KLHL29: variants seen among roughly 807,000 people sequenced by gnomAD.
The protein encoded by KLHL29 is kelch-like protein 29.
In KLHL29, 21 loss-of-function variants were observed where a neutral mutation model predicts 80.4. That is an observed-to-expected ratio of 0.26 (90% confidence interval 0.19 to 0.38). KLHL29 has a LOEUF of 0.38. Among genes scored for constraint, KLHL29 ranks in the 10% least tolerant of loss-of-function variants. The probability of loss-of-function intolerance (pLI) is 1.00; values close to 1 mark genes in which losing one functional copy is unlikely to be tolerated. For synonymous variants in KLHL29, 511 were observed against 526.8 expected, an observed-to-expected ratio of 0.97 and a Z score of 0.41; for missense variants, 867 against 1,223.9, an observed-to-expected ratio of 0.71 and a Z score of 4.35.
chr2:23,531,267 A>G (rs148161531), intron 2 of KLHL29, among the ~76,000 whole-genome samples: 2 of 152,348 alleles, frequency 1.3e-5, no homozygotes, highest in African/African-American at 4.8e-5. Flanking sequence ...TCCATTAACC[A>G]AAAACAGGCA....
At chr2:23,703,097 A>C in intron 11 of KLHL29, 89 bp from the exon 12 acceptor site, 1 of 936,300 alleles carries the variant, frequency 1.1e-6, no homozygotes, top group Non-Finnish European at 1.5e-6. Flanking sequence ...GAGGGCGAGG[A>C]GCAGATGGCA....
chr2:23,579,707 T>TC (rs1410160845), intron 3 of KLHL29, among the ~76,000 whole-genome samples: 1 of 152,160 alleles, frequency 6.6e-6, no homozygotes, highest in African/African-American at 2.4e-5. Flanking sequence ...TCCTTTTTTT[T>TC]CTAAATGTGC....
chr2:23,642,223 C>A, intron 4 of KLHL29, 115 bp from the exon 5 acceptor site: 1 of 967,136 alleles, frequency 1.0e-6, no homozygotes, highest in Non-Finnish European at 1.4e-6. Flanking sequence ...AGTTCCTGGA[C>A]GCAGGTGTCT....
intron 1 of KLHL29, among the ~76,000 whole-genome samples, chr2:23,451,315 A>G (rs1663872870): frequency 6.6e-6 from 1 of 152,128 alleles, no homozygotes. Flanking sequence ...CACAGTAGGG[A>G]CCCAGGGAAT....
chr2:23,506,347 C>G (rs1016265884), intron 2 of KLHL29, among the ~76,000 whole-genome samples: 1 of 152,184 alleles, frequency 6.6e-6, no homozygotes, highest in African/African-American at 2.4e-5. Flanking sequence ...CACATTGCCA[C>G]GATGCACCTC....
chr2:23,407,182 T>A (rs1666756719), intron 1 of KLHL29, among the ~76,000 whole-genome samples: 1 of 152,236 alleles, frequency 6.6e-6, no homozygotes, highest in African/African-American at 2.4e-5. Flanking sequence ...TAAATAACGT[T>A]GCAATGAAAT....
At chr2:23,521,772 G>C (rs116389878) in intron 2 of KLHL29, among the ~76,000 whole-genome samples, 1 of 152,336 alleles carries the variant, frequency 6.6e-6, no homozygotes, top group South Asian at 2.1e-4. Flanking sequence ...GAGCCAGGAC[G>C]TAAGGCTCTG....
chr2:23,392,872 A>G lies in KLHL29; in HGVS notation c.-154+7092A>G, dbSNP rs541892467. ...ACATTTTATGTAAAATCAATCTAGT[A>G]GAAGGAATGTGAGCTAAAATAACAA... On this transcript the variant is annotated intron_variant, in intron 1 of 13. Transcript: ENST00000486442. Among the ~76,000 whole-genome samples, 3 of 152,364 alleles carry G rather than the reference A, an allele frequency of 2.0e-5. No individual in the cohort carries two copies. In the East Asian group the frequency reaches 5.8e-4, roughly 29 times the overall value.
chr2:23,591,053 A>G (rs1358555828), intron 3 of KLHL29, among the ~76,000 whole-genome samples: 1 of 152,182 alleles, frequency 6.6e-6, no homozygotes, highest in Non-Finnish European at 1.5e-5. Flanking sequence ...ATAAAGCAGG[A>G]AAAGAAGTCC....
chr2:23,522,697 C>T (rs1558371434), intron 2 of KLHL29, among the ~76,000 whole-genome samples: 1 of 152,158 alleles, frequency 6.6e-6, no homozygotes, highest in Non-Finnish European at 1.5e-5. Flanking sequence ...ATGGCTCAGT[C>T]TCTGGAGAGA....
chr2:23,649,572 C>T (rs1244226759), intron 5 of KLHL29, among the ~76,000 whole-genome samples: 5 of 152,236 alleles, frequency 3.3e-5, no homozygotes, highest in African/African-American at 1.2e-4. Flanking sequence ...CTCAGCAGGG[C>T]ACAGGCAGAG....
chr2:23,578,906 T>C (rs1417597784), intron 3 of KLHL29, among the ~76,000 whole-genome samples: 1 of 152,238 alleles, frequency 6.6e-6, no homozygotes, highest in East Asian at 1.9e-4. Flanking sequence ...GGCATGCATG[T>C]AGCACCTCGC....
chr2:23,604,190 C>T (rs1016576816), intron 3 of KLHL29, among the ~76,000 whole-genome samples: 6 of 151,766 alleles, frequency 4.0e-5, no homozygotes, highest in South Asian at 2.1e-4. Context: ...CTCACTCTTT[C>T]GCCCAGGCTG....
chr2:23,469,118 C>T (rs1664428730), intron 1 of KLHL29, among the ~76,000 whole-genome samples: 1 of 152,204 alleles, frequency 6.6e-6, no homozygotes, highest in Non-Finnish European at 1.5e-5. Context: ...AGCCTGGTCC[C>T]AGGAGTGTCA....
intron 2 of KLHL29, among the ~76,000 whole-genome samples, chr2:23,554,428 A>AGCGCG (rs943246068): frequency 5.3e-5 from 8 of 152,214 alleles, no homozygotes; most frequent in Non-Finnish European, 1.0e-4. Flanking sequence ...ATCTGGAGAC[A>AGCGCG]GCGCGGGTCC....
intron 1 of KLHL29, among the ~76,000 whole-genome samples, chr2:23,387,836 C>T (rs1666223718): frequency 6.6e-6 from 1 of 152,190 alleles, no homozygotes. Context: ...GCCTTTTAAA[C>T]TCTATATGAA....
chr2:23,676,398 G>A (rs1379151704), intron 5 of KLHL29, among the ~76,000 whole-genome samples: 1 of 152,186 alleles, frequency 6.6e-6, no homozygotes, highest in Non-Finnish European at 1.5e-5. Context: ...TAGCCAGGAT[G>A]GTCTTGATCT....
intron 2 of KLHL29, among the ~76,000 whole-genome samples, chr2:23,530,127 A>C (rs1407693794): frequency 6.6e-6 from 1 of 152,130 alleles, no homozygotes; most frequent in Non-Finnish European, 1.5e-5. Context: ...AGGGGTGTAC[A>C]CAGTCACACT....
At chr2:23,415,819 C>T (rs1666971891) in intron 1 of KLHL29, among the ~76,000 whole-genome samples, 3 of 152,098 alleles carry the variant, frequency 2.0e-5, no homozygotes, top group Admixed American at 1.3e-4. Flanking sequence ...ACACCTTAGC[C>T]TCCTGTATAG....
Sources: allele counts gnomAD v4.1 joint callset (sites outside exome capture counted in the v4.1 genomes callset), GRCh38; gene constraint gnomAD v4.1.1; transcripts MANE v1.5; gene names NCBI Gene and HGNC (gene_info 2026-07-23, HGNC 2026-07-21).